Variants in FANCB observed in about 807,000 individuals in gnomAD.
FANCB encodes the protein Fanconi anemia group B protein.
FANCB carries 5 observed loss-of-function variants against 38.9 expected under a neutral mutation model. The ratio of observed to expected loss-of-function variants is 0.13; its 90% CI spans 0.07 to 0.27. The LOEUF (loss-of-function observed/expected upper bound fraction) is 0.27. FANCB is among the 10% of genes least tolerant of loss of function. FANCB has a pLI of 1.00. For synonymous variants in FANCB, 236 were observed against 215.4 expected (o/e 1.10, Z -0.84); for missense variants, 573 against 602.7 (o/e 0.95, Z 0.52).
chrX:14,848,418 C>G (rs1339188933), intron 7 of FANCB, among the ~76,000 whole-genome samples: 2 of 110,880 alleles, frequency 1.8e-5, no homozygotes, highest in Non-Finnish European at 3.8e-5. Flanking sequence ...GCACAGGGGG[C>G]GCCTGTCCAT....
chrX:14,810,628 A>G, the FANCB span, among the ~76,000 whole-genome samples: 4 of 111,548 alleles, frequency 3.6e-5, no homozygotes, highest in African/African-American at 9.8e-5. Flanking sequence ...AAAGAATAAA[A>G]AGAAACGAAC....
the FANCB span, among the ~76,000 whole-genome samples, chrX:14,691,464 A>C: frequency 9.0e-6 from 1 of 111,596 alleles, no homozygotes; most frequent in East Asian, 2.8e-4. Context: ...CTCAACTTAA[A>C]CTTTAGTGCA....
At chrX:14,829,470 G>C in the FANCB span, among the ~76,000 whole-genome samples, 3 of 111,122 alleles carry the variant, frequency 2.7e-5, no homozygotes. Flanking sequence ...CTCTAGCTAT[G>C]AACATCCTAG....
chrX:14,771,974 T>G, the FANCB span, among the ~76,000 whole-genome samples: 1 of 111,539 alleles, frequency 9.0e-6, no homozygotes, highest in East Asian at 2.8e-4. Context: ...GCCAGCTCCT[T>G]CCTCTAGAAG....
chrX:14,848,669 GACAC>G (rs2092387498), intron 7 of FANCB, among the ~76,000 whole-genome samples: 1 of 111,704 alleles, frequency 9.0e-6, no homozygotes, highest in African/African-American at 3.3e-5. Flanking sequence ...AGAAATTACT[GACAC>G]ACACACTATA....
the FANCB span, among the ~76,000 whole-genome samples, chrX:14,747,898 A>G: frequency 8.9e-6 from 1 of 112,167 alleles, no homozygotes; most frequent in Non-Finnish European, 1.9e-5. Flanking sequence ...AAATAATTGG[A>G]AAAGGGCTCC....
chrX:14,845,020 A>G lies in FANCB; in HGVS notation c.1763T>C (p.Leu588Ser), dbSNP rs1298952108. 1 of 1,209,671 alleles carries G rather than the reference A, an allele frequency of 8.3e-7. No individual in the cohort carries two copies. The highest frequency in any genetic ancestry group is 2.2e-5 in the Admixed American group (1 of 46,011). The change falls in exon 8 of 10, where the codon TTA becomes TCA. Residue 588 changes from leucine (L) to serine (S), a missense_variant. Physicochemically the swap from Leu to Ser is moderately radical, Grantham distance 145 (BLOSUM62 -2). Coordinates refer to ENST00000650831, the MANE Select transcript of FANCB (RefSeq NM_001018113.3). ...ITAVTSLSPL[L>S]TFSKFCCTVL... ...AGTGCAACAAAATTTACTGAATGTT[A>G]AAAGTGGTGAAAGAGATGTTACAGC...
chrX:14,690,657 C>G, the FANCB span: 4 of 883,891 alleles, frequency 4.5e-6, no homozygotes, highest in African/African-American at 2.0e-5. Flanking sequence ...CATAGTCTTT[C>G]TTTCTCTCTC....
the FANCB span, among the ~76,000 whole-genome samples, chrX:14,785,878 G>A: frequency 9.0e-6 from 1 of 111,577 alleles, no homozygotes; most frequent in African/African-American, 3.3e-5. Context: ...CAAGCTGGTG[G>A]GTGATTCCAT....
chrX:14,834,792 T>A (rs2092336821), downstream of FANCB: 1 of 574,881 alleles, frequency 1.7e-6, no homozygotes, highest in Non-Finnish European at 3.0e-6. Flanking sequence ...TGGTGCTTTT[T>A]CTTCAGTTTC....
chrX:14,817,482 C>G, the FANCB span, among the ~76,000 whole-genome samples: 2 of 111,449 alleles, frequency 1.8e-5, no homozygotes, highest in South Asian at 3.8e-4. Context: ...TTAATACAAT[C>G]AGAACTGGTG....
At chrX:14,697,356 G>A in the FANCB span, among the ~76,000 whole-genome samples, 9 of 112,074 alleles carry the variant, frequency 8.0e-5, no homozygotes, top group Admixed American at 6.6e-4. Flanking sequence ...GTGGAAACGG[G>A]TTTGGTTGAC....
chrX:14,729,756 C>T, the FANCB span, among the ~76,000 whole-genome samples: 1 of 111,167 alleles, frequency 9.0e-6, no homozygotes, highest in Admixed American at 9.6e-5. Context: ...AACCACAATA[C>T]TATAGGTTCC....
At chrX:14,701,379 C>A in the FANCB span, among the ~76,000 whole-genome samples, 1 of 110,968 alleles carries the variant, frequency 9.0e-6, no homozygotes, top group South Asian at 3.8e-4. Flanking sequence ...AAATGGGCAA[C>A]CCCTGGTTCA....
chrX:14,745,315 A>G, the FANCB span, among the ~76,000 whole-genome samples: 1 of 111,874 alleles, frequency 8.9e-6, no homozygotes, highest in Non-Finnish European at 1.9e-5. Context: ...AAAGTTTGGA[A>G]GCAAAACAAA....
the FANCB span, among the ~76,000 whole-genome samples, chrX:14,732,219 C>CT: frequency 3.6e-5 from 4 of 111,857 alleles, no homozygotes; most frequent in Admixed American, 3.8e-4. Context: ...TGAACTCATC[C>CT]TTTTTTATGG....
chrX:14,781,919 C>T, the FANCB span, among the ~76,000 whole-genome samples: 1 of 111,861 alleles, frequency 8.9e-6, no homozygotes, highest in Admixed American at 9.5e-5. Context: ...ATCCAACTGG[C>T]CACACACCCA....
At chrX:14,796,236 T>C in the FANCB span, among the ~76,000 whole-genome samples, 1 of 109,629 alleles carries the variant, frequency 9.1e-6, no homozygotes, top group Non-Finnish European at 1.9e-5. Flanking sequence ...CTCTTGCACA[T>C]TGGCAATCAA....
At chrX:14,702,249 G>A in the FANCB span, among the ~76,000 whole-genome samples, 1 of 111,736 alleles carries the variant, frequency 8.9e-6, no homozygotes, top group Non-Finnish European at 1.9e-5. Context: ...CCACCAAAAG[G>A]CTTTATAAAT....
Sources: gnomAD v4.1 joint callset for allele counts (sites outside exome capture counted in the v4.1 genomes callset) on GRCh38, gnomAD v4.1.1 for gene constraint, MANE v1.5 for transcripts, NCBI Gene and HGNC (gene_info 2026-07-23, HGNC 2026-07-21) for gene names.